Variants in PRELID2 observed in about 807,000 individuals in gnomAD.
PRELID2 encodes the protein PRELI domain-containing protein 2.
PRELID2 carries 25 observed loss-of-function variants against 28.4 expected under a neutral mutation model. The observed-to-expected ratio is 0.88, with a 90% CI of 0.64 to 1.23. The LOEUF (loss-of-function observed/expected upper bound fraction) is 1.23, where lower values mean the gene tolerates loss of function less well. Among genes scored for constraint, PRELID2 ranks in the 50% most tolerant of loss-of-function variants. The pLI, the probability that PRELID2 is intolerant of heterozygous loss-of-function variation, is 0.00. For synonymous variants in PRELID2, 76 were observed against 71.6 expected (o/e 1.06, Z -0.31); for missense variants, 201 against 214.4 (o/e 0.94, Z 0.39).
chr5:145,583,828 T>C (rs2149626489), intron 1 of PRELID2, among the ~76,000 whole-genome samples: 1 of 152,168 alleles, frequency 6.6e-6, no homozygotes, highest in East Asian at 1.9e-4. Context: ...TACTCATGGG[T>C]AAAAAGAATC....
chr5:145,549,451 C>T (rs779498737), intron 1 of PRELID2, among the ~76,000 whole-genome samples: 23 of 152,104 alleles, frequency 1.5e-4, no homozygotes, highest in African/African-American at 1.9e-4. Context: ...ACTAATTTCA[C>T]GCTATTAATT....
the PRELID2 span, among the ~76,000 whole-genome samples, chr5:145,318,268 C>T: frequency 1.3e-5 from 2 of 152,122 alleles, no homozygotes; most frequent in Non-Finnish European, 2.9e-5. Context: ...GCATTCAAAT[C>T]TCAGAGACCA....
the PRELID2 span, among the ~76,000 whole-genome samples, chr5:145,294,560 G>A: frequency 6.6e-6 from 1 of 152,038 alleles, no homozygotes; most frequent in Non-Finnish European, 1.5e-5. Flanking sequence ...AACAATAAGG[G>A]CTGTGTTTCC....
the PRELID2 span, among the ~76,000 whole-genome samples, chr5:145,264,428 G>GA: frequency 6.6e-6 from 1 of 151,994 alleles, no homozygotes; most frequent in African/African-American, 2.4e-5. Flanking sequence ...AAAAGTATTT[G>GA]AAAAAATCCA....
At chr5:145,410,605 T>C in the PRELID2 span, among the ~76,000 whole-genome samples, 1 of 152,230 alleles carries the variant, frequency 6.6e-6, no homozygotes, top group Non-Finnish European at 1.5e-5. Context: ...AGTCCCTTTA[T>C]AAAACCATCA....
chr5:145,730,928 C>T (rs1278199353), intron 1 of PRELID2, among the ~76,000 whole-genome samples: 3 of 152,168 alleles, frequency 2.0e-5, no homozygotes, highest in Non-Finnish European at 2.9e-5. Context: ...GACATTCCAA[C>T]CCCACCATAA....
At chr5:145,623,591 C>T (rs1043078357) in intron 1 of PRELID2, among the ~76,000 whole-genome samples, 12 of 151,968 alleles carry the variant, frequency 7.9e-5, no homozygotes, top group Non-Finnish European at 1.6e-4. Flanking sequence ...TCTGTGGAAA[C>T]TTGAGATAGA....
chr5:145,810,815 T>C lies in PRELID2; in HGVS notation c.368+7079A>G, dbSNP rs114934414. Among the ~76,000 whole-genome samples the C allele has an allele frequency of 2.1e-3, 325 of 152,244 alleles. 1 individual carries two copies. The highest frequency in any genetic ancestry group is 7.7e-3 in the African/African-American group (319 of 41,556). Reference sequence around the variant, plus strand: ...TGGGAAAGGGTTATCACTCCCATCATACAGATGAAGAAACCGAGGAGTAGA... The same window carrying C: ...TGGGAAAGGGTTATCACTCCCATCACACAGATGAAGAAACCGAGGAGTAGA... On this transcript the variant is annotated intron_variant, in intron 4 of 6. Coordinates refer to ENST00000683046, the MANE Select transcript of PRELID2 (RefSeq NM_205846.3).
chr5:145,340,284 C>T, the PRELID2 span, among the ~76,000 whole-genome samples: 1 of 152,176 alleles, frequency 6.6e-6, no homozygotes, highest in East Asian at 1.9e-4. Context: ...CCCATAAGCA[C>T]CGGCCTGCCC....
chr5:145,694,239 G>A (rs1755209405), intron 1 of PRELID2, among the ~76,000 whole-genome samples: 1 of 152,142 alleles, frequency 6.6e-6, no homozygotes, highest in Non-Finnish European at 1.5e-5. Flanking sequence ...TAAACACAGT[G>A]TATGAACATA....
the PRELID2 span, among the ~76,000 whole-genome samples, chr5:145,233,703 T>C: frequency 6.6e-6 from 1 of 152,148 alleles, no homozygotes; most frequent in Non-Finnish European, 1.5e-5. Context: ...CTGTCTTCTG[T>C]GGCAGTAAAC....
intron 1 of PRELID2, among the ~76,000 whole-genome samples, chr5:145,657,300 G>C (rs1754413104): frequency 6.6e-6 from 1 of 152,064 alleles, no homozygotes. Flanking sequence ...ATCAACGTGA[G>C]AAGAAAAGTT....
chr5:145,416,004 T>C, the PRELID2 span, among the ~76,000 whole-genome samples: 2 of 152,036 alleles, frequency 1.3e-5, no homozygotes, highest in Non-Finnish European at 2.9e-5. Flanking sequence ...CTCATTGTGG[T>C]TTTGATTTGC....
chr5:145,415,007 T>C, the PRELID2 span, among the ~76,000 whole-genome samples: 1 of 152,326 alleles, frequency 6.6e-6, no homozygotes, highest in Admixed American at 6.5e-5. Flanking sequence ...GATAGATATC[T>C]ATAGAACTCT....
At chr5:145,463,487 T>A in the PRELID2 span, among the ~76,000 whole-genome samples, 1 of 152,162 alleles carries the variant, frequency 6.6e-6, no homozygotes, top group Non-Finnish European at 1.5e-5. Flanking sequence ...TGCATAGTTT[T>A]CAGTTTAACT....
At chr5:145,808,907 A>G (rs1261120927) in intron 4 of PRELID2, among the ~76,000 whole-genome samples, 2 of 152,064 alleles carry the variant, frequency 1.3e-5, no homozygotes, top group Non-Finnish European at 2.9e-5. Context: ...AGAAAAAAAA[A>G]AGAACAGTTT....
chr5:145,590,405 T>C (rs1753211752), intron 1 of PRELID2, among the ~76,000 whole-genome samples: 1 of 152,220 alleles, frequency 6.6e-6, no homozygotes, highest in South Asian at 2.1e-4. Context: ...TATTTATGTA[T>C]GTGTTTGCTT....
chr5:145,826,931 C>G (rs1422116983), intron 1 of PRELID2, among the ~76,000 whole-genome samples: 1 of 152,236 alleles, frequency 6.6e-6, no homozygotes, highest in East Asian at 1.9e-4. Flanking sequence ...CCAAAAAGCT[C>G]AAAAGCCAAT....
chr5:145,743,899 G>A (rs1476310550), intron 1 of PRELID2, among the ~76,000 whole-genome samples: 1 of 152,220 alleles, frequency 6.6e-6, no homozygotes, highest in Non-Finnish European at 1.5e-5. Flanking sequence ...CCAGCATTGG[G>A]ACTCACAACT....
Sources: gnomAD v4.1 joint callset for allele counts (sites outside exome capture counted in the v4.1 genomes callset) on GRCh38, gnomAD v4.1.1 for gene constraint, MANE v1.5 for transcripts, NCBI Gene and HGNC (gene_info 2026-07-23, HGNC 2026-07-21) for gene names.